Variants in SEMA6D observed in about 807,000 individuals in gnomAD.
SEMA6D encodes the protein semaphorin-6D.
A neutral mutation model predicts 106.6 loss-of-function variants in SEMA6D; 35 were observed. That is an observed-to-expected ratio of 0.33 (90% CI 0.25 to 0.44). The LOEUF (loss-of-function observed/expected upper bound fraction) is 0.44, where lower values mean the gene tolerates loss of function less well. Among genes scored for constraint, SEMA6D ranks in the 20% least tolerant of loss-of-function variants. SEMA6D has a pLI of 1.00. For synonymous variants in SEMA6D, 499 were observed against 487.7 expected (o/e 1.02, Z -0.31); for missense variants, 1,185 against 1,345.9 (o/e 0.88, Z 1.87).
chr15:47,580,780 C>T (rs1201976165), intron 3 of SEMA6D, among the ~76,000 whole-genome samples: 1 of 152,158 alleles, frequency 6.6e-6, no homozygotes, highest in Non-Finnish European at 1.5e-5. Flanking sequence ...GCTATCAGAT[C>T]CCCTATAATG....
At position 47,221,169 on chromosome 15, in the gene SEMA6D, G is replaced by GTAGA. The variant is rs139753965; in HGVS notation, c.-239+36752_-239+36755dup. Reference sequence around the variant, plus strand: ...GGGTTTGGCCAATAGAAGATAACCTGTAGAAGATAAAAGAACAGGAGGAAA... The same window carrying GTAGA: ...GGGTTTGGCCAATAGAAGATAACCTGTAGATAGAAGATAAAAGAACAGGAGGAAA... On this transcript the variant is annotated intron_variant, in intron 1 of 19. Coordinates refer to the SEMA6D transcript ENST00000558014. Among the ~76,000 whole-genome samples the GTAGA allele has an allele frequency of 2.5e-4, 38 of 152,258 alleles. No homozygotes were observed. In the East Asian group the frequency reaches 5.8e-3, roughly 23 times the overall value.
intron 1 of SEMA6D, among the ~76,000 whole-genome samples, chr15:47,234,149 A>G (rs1200270111): frequency 6.6e-6 from 1 of 151,894 alleles, no homozygotes; most frequent in Non-Finnish European, 1.5e-5. Flanking sequence ...TGTCTGACAT[A>G]TTTCTGGGAT....
intron 1 of SEMA6D, among the ~76,000 whole-genome samples, chr15:47,407,394 C>CCAA (rs1567058096): frequency 1.2e-5 from 1 of 83,558 alleles, no homozygotes; most frequent in African/African-American, 3.8e-5. Flanking sequence ...AAAACCAAAA[C>CCAA]AACAACAACA....
At chr15:47,734,376 C>T (rs2080323706) in intron 1 of SEMA6D, among the ~76,000 whole-genome samples, 1 of 152,142 alleles carries the variant, frequency 6.6e-6, no homozygotes, top group Non-Finnish European at 1.5e-5. Context: ...GGTATGTGAC[C>T]TGGAGCTGCA....
rs542725965 is a variant in SEMA6D, at chr15:47,662,229, C to T, written c.-55+61333C>T. ...ATCACTGCCCCATCCCCTCACCCCC[C>T]ACCCCAACAAACACACACATTGGCA... On this transcript the variant is annotated intron_variant, in intron 4 of 19. Transcript: ENST00000558014. 9.9e-5 allele frequency among the ~76,000 whole-genome samples: 15 copies of T among 152,242 alleles called. No individual in the cohort carries two copies. The South Asian group carries it at 3.1e-3, about 32-fold the overall frequency.
chr15:47,556,885 G>A (rs1159893934), intron 3 of SEMA6D, among the ~76,000 whole-genome samples: 1 of 152,140 alleles, frequency 6.6e-6, no homozygotes, highest in African/African-American at 2.4e-5. Context: ...AGATGTCAGT[G>A]CAAAGGTATC....
chr15:47,285,108 T>C (rs2035302420), intron 1 of SEMA6D, among the ~76,000 whole-genome samples: 2 of 152,208 alleles, frequency 1.3e-5, no homozygotes, highest in Admixed American at 1.3e-4. Context: ...ACACCATTTC[T>C]CTCACAAGGC....
intron 1 of SEMA6D, among the ~76,000 whole-genome samples, chr15:47,314,424 C>T (rs963995581): frequency 6.7e-6 from 1 of 150,004 alleles, no homozygotes; most frequent in African/African-American, 2.4e-5. Flanking sequence ...CGGTGAAACC[C>T]CGTCTCTACT....
chr15:47,238,506 T>C (rs1027524368), intron 1 of SEMA6D, among the ~76,000 whole-genome samples: 1 of 152,164 alleles, frequency 6.6e-6, no homozygotes, highest in African/African-American at 2.4e-5. Flanking sequence ...TAATACGAAT[T>C]ATATTTAGCT....
rs377585799 is a variant in SEMA6D at position 47,394,998 on chromosome 15, A to G, written c.-238-17395A>G. Among the ~76,000 whole-genome samples, 10 of 151,840 alleles carry G rather than the reference A, an allele frequency of 6.6e-5. No individual in the cohort carries two copies. The South Asian group carries it at 1.2e-3, about 19-fold the overall frequency. ...GTGATCTCTGTGGTCTTAGAGATACATTTTTCTGAGATGCCATGTCCCCAA... is the reference window on the plus strand; with the variant it reads ...GTGATCTCTGTGGTCTTAGAGATACGTTTTTCTGAGATGCCATGTCCCCAA... On this transcript the variant is annotated intron_variant, in intron 1 of 19. Coordinates refer to the SEMA6D transcript ENST00000558014.
intron 1 of SEMA6D, among the ~76,000 whole-genome samples, chr15:47,344,219 A>T (rs2037948785): frequency 6.6e-6 from 1 of 152,214 alleles, no homozygotes; most frequent in Admixed American, 6.5e-5. Flanking sequence ...TTTTAAAAGG[A>T]AATCTTATCA....
At chr15:47,468,098 T>G (rs2042718445) in intron 2 of SEMA6D, among the ~76,000 whole-genome samples, 1 of 152,098 alleles carries the variant, frequency 6.6e-6, no homozygotes, top group Non-Finnish European at 1.5e-5. Context: ...GCCTTCTTGT[T>G]GGAAATACAG....
chr15:47,523,149 A>G (rs2044642630), intron 3 of SEMA6D, among the ~76,000 whole-genome samples: 1 of 152,196 alleles, frequency 6.6e-6, no homozygotes, highest in South Asian at 2.1e-4. Context: ...GCCAGAGAGC[A>G]AAGTGCTTGG....
intron 4 of SEMA6D, among the ~76,000 whole-genome samples, chr15:47,604,866 A>AATT (rs112259907): frequency 6.9e-6 from 1 of 144,170 alleles, no homozygotes; most frequent in Non-Finnish European, 1.5e-5. Flanking sequence ...TGCCTGGCTA[A>AATT]TTTTTTTTTT....
chr15:47,682,117 A>C (rs759910523), intron 4 of SEMA6D, among the ~76,000 whole-genome samples: 1 of 152,106 alleles, frequency 6.6e-6, no homozygotes, highest in African/African-American at 2.4e-5. Flanking sequence ...TCTTTTCTCA[A>C]CGAGTTACTA....
intron 3 of SEMA6D, among the ~76,000 whole-genome samples, chr15:47,484,511 C>T (rs2043240517): frequency 6.6e-6 from 1 of 152,150 alleles, no homozygotes; most frequent in Non-Finnish European, 1.5e-5. Flanking sequence ...CATTTTGTTT[C>T]AGAGGCCACA....
At chr15:47,749,361 G>A (rs2081310451) in intron 1 of SEMA6D, among the ~76,000 whole-genome samples, 1 of 152,104 alleles carries the variant, frequency 6.6e-6, no homozygotes, top group Non-Finnish European at 1.5e-5. Context: ...GATTACAGAC[G>A]TGAGCCACTG....
intron 3 of SEMA6D, among the ~76,000 whole-genome samples, chr15:47,553,437 A>G (rs1005199674): frequency 6.6e-6 from 1 of 152,026 alleles, no homozygotes; most frequent in Non-Finnish European, 1.5e-5. Flanking sequence ...TTTTGCCCAC[A>G]CCCGCGCCTA....
chr15:47,229,523 G>A (rs2032039247), intron 1 of SEMA6D, among the ~76,000 whole-genome samples: 1 of 152,002 alleles, frequency 6.6e-6, no homozygotes, highest in Admixed American at 6.6e-5. Context: ...TATTGGCTCA[G>A]TCTGTCACAG....
Sources: gnomAD v4.1 joint callset for allele counts (sites outside exome capture counted in the v4.1 genomes callset) on GRCh38, gnomAD v4.1.1 for gene constraint, MANE v1.5 for transcripts, NCBI Gene and HGNC (gene_info 2026-07-23, HGNC 2026-07-21) for gene names.